PAX2: variants seen among roughly 807,000 people sequenced by gnomAD.
PAX2 encodes paired box 2.
A neutral mutation model predicts 41.7 loss-of-function variants in PAX2; 9 were observed. That is an observed-to-expected ratio of 0.22 (90% confidence interval 0.13 to 0.38). The LOEUF (loss-of-function observed/expected upper bound fraction) is 0.38. Among genes scored for constraint, PAX2 ranks in the 10% least tolerant of loss-of-function variants. The pLI, the probability that PAX2 is intolerant of heterozygous loss-of-function variation, is 1.00. For missense variants in PAX2, 418 were observed against 531.6 expected (o/e 0.79, Z 2.10); for synonymous variants, 221 against 212.7 (o/e 1.04, Z -0.34).
At chr10:100,741,669 T>C (rs971214681), upstream of PAX2, among the ~76,000 whole-genome samples, 1 of 152,216 alleles carries the variant, frequency 6.6e-6, no homozygotes, top group African/African-American at 2.4e-5. Flanking sequence ...GAAGAACTTT[T>C]ATTTTTCTTT....
At chr10:100,802,552 G>C (rs1847601402) in intron 5 of PAX2, among the ~76,000 whole-genome samples, 1 of 152,190 alleles carries the variant, frequency 6.6e-6, no homozygotes, top group Non-Finnish European at 1.5e-5. Context: ...TACCTGATGA[G>C]AGACTGGGTG....
intron 1 of PAX2, among the ~76,000 whole-genome samples, 187 bp downstream of exon 1, chr10:100,746,490 TTC>T (rs1845179873): frequency 1.3e-5 from 2 of 152,172 alleles, no homozygotes; most frequent in African/African-American, 4.8e-5. Flanking sequence ...CTCTCCTGCC[TTC>T]TGTCACCCAT....
At position 100,828,940 on chromosome 10, in the gene PAX2, C is replaced by G. The variant is rs1378080981; in HGVS notation, c.*1321C>G. On this transcript the variant is annotated 3_prime_UTR_variant, in exon 10 of 10. Coordinates refer to ENST00000355243, the MANE Select transcript of PAX2 (RefSeq NM_000278.5). This position sits in a 1 kb window ranked among gnomAD's most constrained non-coding sequence, Gnocchi z 6.5. ...CCCTCCGCCCCGCCCCGCCCGGCCC[C>G]GTAGAGTCCCTGTCGCCCGCCGGCC... is the stretch of plus-strand genomic sequence containing the variant. The G allele has an allele frequency of 4.6e-6, 1 of 219,356 alleles. No homozygotes were observed. The highest frequency in any genetic ancestry group is 9.1e-6 in the Non-Finnish European group (1 of 109,720). The allele number at this position is 219,356 out of a possible 1,614,324, so 13.6% of individuals were successfully genotyped here.
At chr10:100,762,734 A>G (rs983513450) in intron 3 of PAX2, among the ~76,000 whole-genome samples, 1 of 152,236 alleles carries the variant, frequency 6.6e-6, no homozygotes, top group Non-Finnish European at 1.5e-5. Context: ...ACTAAATCAC[A>G]AATAGGGGTA....
chr10:100,783,950 A>G (rs534033415), intron 5 of PAX2, among the ~76,000 whole-genome samples: 8 of 152,170 alleles, frequency 5.3e-5, no homozygotes, highest in South Asian at 2.1e-4. Flanking sequence ...CCCAGGCCAA[A>G]TGGAGATGTA....
intron 5 of PAX2, among the ~76,000 whole-genome samples, chr10:100,793,635 C>T (rs931818641): frequency 6.6e-6 from 1 of 152,210 alleles, no homozygotes; most frequent in African/African-American, 2.4e-5. Context: ...CTCCATATCT[C>T]CCTCTTCTCT....
intron 7 of PAX2, among the ~76,000 whole-genome samples, chr10:100,823,276 G>C (rs1848430012): frequency 6.6e-6 from 1 of 152,214 alleles, no homozygotes; most frequent in South Asian, 2.1e-4. Flanking sequence ...TGAGGTAACA[G>C]AGGGACAGCC....
intron 1 of PAX2, chr10:100,749,281 C>T: frequency 6.0e-6 from 6 of 996,446 alleles, no homozygotes; most frequent in Non-Finnish European, 6.0e-6. Flanking sequence ...CGAGCCTCGA[C>T]GCCCCCAAAT....
intron 3 of PAX2, among the ~76,000 whole-genome samples, chr10:100,752,365 G>T (rs1474356992): frequency 1.3e-5 from 2 of 152,256 alleles, no homozygotes; most frequent in African/African-American, 4.8e-5. Flanking sequence ...GTTTGGGAGA[G>T]GAATAAGCCC....
chr10:100,770,743 G>A (rs996347539), intron 3 of PAX2, among the ~76,000 whole-genome samples: 3 of 152,212 alleles, frequency 2.0e-5, no homozygotes, highest in African/African-American at 7.2e-5. Context: ...ATCCTGGAAT[G>A]TACCAAAAAC....
chr10:100,818,355 C>T (rs74152688), intron 7 of PAX2, among the ~76,000 whole-genome samples: 1,581 of 152,302 alleles, frequency 0.01, 29 homozygotes, highest in African/African-American at 0.036. Flanking sequence ...TGAATGCTGA[C>T]ATTTTCCTTG....
At chr10:100,747,923 CCCGCGGGCAGCCA>C in intron 1 of PAX2, 4 of 982,448 alleles carry the variant, frequency 4.1e-6, no homozygotes, top group Non-Finnish European at 4.8e-6. Context: ...GTCCTGGCTG[CCCGCGGGCAGCCA>C]CTTTGAAACC....
chr10:100,811,487 G>C (rs1358378461), intron 7 of PAX2, among the ~76,000 whole-genome samples: 1 of 152,244 alleles, frequency 6.6e-6, no homozygotes, highest in Non-Finnish European at 1.5e-5. Flanking sequence ...GGATATTGTG[G>C]GTAGTAGTGA....
In PAX2 at chr10:100,750,961, G is replaced by T; in HGVS notation, c.410+70G>T. The stretch of plus-strand genomic sequence containing the variant: ...GCTCCTGCCTGCAGGGGTGTCCCAC[G>T]CCCAGTCTCTGCTCTTTGTCCAGCC... On this transcript the variant is annotated intron_variant, in intron 3 of 9. Coordinates refer to ENST00000355243, the MANE Select transcript of PAX2 (RefSeq NM_000278.5). The surrounding 1 kb of genome is among the most constrained non-coding windows in gnomAD (Gnocchi z 4.1). 2 of 1,168,514 alleles carry T rather than the reference G, an allele frequency of 1.7e-6. No homozygotes were observed. The highest frequency in any genetic ancestry group is 1.2e-5 in the South Asian group (1 of 82,212). 72.4% of individuals were successfully genotyped at this position (1,168,514 alleles called of 1,614,324 possible).
upstream of PAX2, among the ~76,000 whole-genome samples, chr10:100,741,694 TA>T (rs1844963457): frequency 5.3e-5 from 8 of 152,228 alleles, no homozygotes; most frequent in South Asian, 1.7e-3. Context: ...TGGTGACTTC[TA>T]AAAGTGGGAA....
chr10:100,759,913 C>T (rs1033332937), intron 3 of PAX2, among the ~76,000 whole-genome samples: 3 of 152,194 alleles, frequency 2.0e-5, no homozygotes, highest in Admixed American at 2.0e-4. Flanking sequence ...CCAGCCCATA[C>T]CTGGCAGGCA....
chr10:100,797,079 G>A (rs1271315567), intron 5 of PAX2, among the ~76,000 whole-genome samples: 1 of 152,172 alleles, frequency 6.6e-6, no homozygotes, highest in East Asian at 1.9e-4. Flanking sequence ...AGCATAACAA[G>A]TTAAGAACTG....
intron 3 of PAX2, among the ~76,000 whole-genome samples, chr10:100,774,743 G>A (rs902422633): frequency 6.6e-6 from 1 of 152,202 alleles, no homozygotes; most frequent in Non-Finnish European, 1.5e-5. Flanking sequence ...TGAAGTGTAT[G>A]GTAGTATTAT....
chr10:100,804,271 T>TACACACACACACACACAC lies in PAX2; in HGVS notation c.617-2151_617-2134dup, dbSNP rs10639967. On this transcript the variant is annotated intron_variant, in intron 5 of 9. Transcript: ENST00000355243. ...GAGGACAAAGCTTCAGTTCAGCCCCTACACACACACACACACACACACACA... is the reference window on the plus strand; with the variant it reads ...GAGGACAAAGCTTCAGTTCAGCCCCTACACACACACACACACACACACACACACACACACACACACACA... 9.3e-3 allele frequency among the ~76,000 whole-genome samples: 1,371 copies of TACACACACACACACACAC among 147,850 alleles called. 12 individuals carry two copies. Among genetic ancestry groups the TACACACACACACACACAC allele is most frequent in the East Asian group, 0.039 (195 of 4,986 alleles).
Sources: allele counts gnomAD v4.1 joint callset (sites outside exome capture counted in the v4.1 genomes callset), GRCh38; gene constraint gnomAD v4.1.1; non-coding constraint Gnocchi (gnomAD v3.1); transcripts MANE v1.5; gene names NCBI Gene and HGNC (gene_info 2026-07-23, HGNC 2026-07-21).